CORO7: variants seen among roughly 807,000 people sequenced by gnomAD.
CORO7 encodes coronin 7, also known as coronin-7.
In CORO7, 107 loss-of-function variants were observed where a neutral mutation model predicts 126.6. The observed-to-expected ratio is 0.85, with a 90% confidence interval of 0.72 to 0.99. The LOEUF (loss-of-function observed/expected upper bound fraction) is 0.99. Ranked by LOEUF, CORO7 falls within the 50% of genes least tolerant of loss-of-function variation. The pLI is 0.00. For missense variants in CORO7, 1,314 were observed against 1,255.8 expected, an observed-to-expected ratio of 1.05 and a Z score of -0.70; for synonymous variants, 603 against 536.8, an observed-to-expected ratio of 1.12 and a Z score of -1.70.
chr16:4,414,816 G>A (rs1045881557), intron 1 of CORO7, among the ~76,000 whole-genome samples: 3 of 152,088 alleles, frequency 2.0e-5, no homozygotes, highest in Non-Finnish European at 4.4e-5. Flanking sequence ...CAGAGCCACC[G>A]GCTGTCTTGA....
chr16:4,364,947 G>A (rs374643416), intron 11 of CORO7, 27 bp from the exon 12 acceptor site: 4 of 1,607,566 alleles, frequency 2.5e-6, no homozygotes, highest in South Asian at 2.2e-5. Context: ...AGGGGAACAG[G>A]CAGGATGGGC....
chr16:4,412,850 C>T, intron 2 of CORO7: 1 of 230,286 alleles, frequency 4.3e-6, no homozygotes, highest in Non-Finnish European at 8.5e-6. Context: ...GCCTGAAGCC[C>T]CTGATCTCTT....
intron 26 of CORO7, 33 bp from the exon 27 acceptor site, chr16:4,355,405 G>A (rs1318496683): frequency 6.3e-7 from 1 of 1,593,286 alleles, no homozygotes; most frequent in African/African-American, 1.3e-5. Flanking sequence ...GGTAGGTAAG[G>A]GAATAGGACT....
chr16:4,371,319 C>A (rs931850667), intron 9 of CORO7, among the ~76,000 whole-genome samples: 7 of 152,230 alleles, frequency 4.6e-5, no homozygotes, highest in African/African-American at 1.7e-4. Flanking sequence ...CTTGAAAGGG[C>A]TTTGTGTGGG....
intron 9 of CORO7, among the ~76,000 whole-genome samples, chr16:4,366,821 G>T (rs1285143305): frequency 6.6e-6 from 1 of 152,112 alleles, no homozygotes; most frequent in Non-Finnish European, 1.5e-5. Flanking sequence ...AGGATTATAG[G>T]CATGAGCCAC....
At chr16:4,396,745 G>T (rs1238744524) in intron 6 of CORO7, among the ~76,000 whole-genome samples, 1 of 152,256 alleles carries the variant, frequency 6.6e-6, no homozygotes, top group South Asian at 2.1e-4. Flanking sequence ...GCCAGGCATG[G>T]TGGCTCACGC....
At chr16:4,414,084 A>C (rs1168448830) in intron 1 of CORO7, among the ~76,000 whole-genome samples, 2 of 151,440 alleles carry the variant, frequency 1.3e-5, no homozygotes, top group Non-Finnish European at 2.9e-5. Flanking sequence ...CCAGCTACTC[A>C]GGAGGCTGAG....
At chr16:4,369,914 G>A (rs1002762734) in intron 9 of CORO7, among the ~76,000 whole-genome samples, 1 of 152,150 alleles carries the variant, frequency 6.6e-6, no homozygotes, top group Non-Finnish European at 1.5e-5. Flanking sequence ...AAGGCGGGTG[G>A]CACCTTGAAA....
chr16:4,410,868 C>T (rs1020524372), intron 3 of CORO7, among the ~76,000 whole-genome samples: 1 of 152,202 alleles, frequency 6.6e-6, no homozygotes, highest in Non-Finnish European at 1.5e-5. Flanking sequence ...GGCGTGGCAG[C>T]GTTCCAATAA....
At chr16:4,408,141 G>A in intron 4 of CORO7, 40 bp downstream of exon 4, 3 of 1,613,794 alleles carry the variant, frequency 1.9e-6, no homozygotes, top group Non-Finnish European at 2.5e-6. Flanking sequence ...TGGACTACGG[G>A]CTGGGACATA....
intron 10 of CORO7, 119 bp downstream of exon 10, chr16:4,365,372 C>T (rs2054316230): frequency 1.4e-6 from 2 of 1,430,766 alleles, no homozygotes; most frequent in Non-Finnish European, 1.9e-6. Context: ...GCTACAGTCA[C>T]CTTGGCTGCA....
Position 4,405,545 on chromosome 16 carries a change from C to A in CORO7, c.510G>T (p.Leu170=). 1 of 1,612,968 alleles carries A rather than the reference C, an allele frequency of 6.2e-7. No homozygotes were observed. Among genetic ancestry groups the A allele is most frequent in the Middle Eastern group, 1.7e-4 (1 of 6,058 alleles). Residue 170 remains leucine, a synonymous_variant, in exon 6 of 28, where the codon CTG becomes CTT. Coordinates refer to ENST00000251166, the MANE Select transcript of CORO7 (RefSeq NM_024535.5). ...PLTELAAHGD[L]VQSAVWSRDG... ...CTCGGCTCCAGACGGCGCTCTGCAC[C>A]AGGTCCCCATGGGCTGCCAGCTCTG...
At chr16:4,355,975 CAG>C (rs747393396) in intron 26 of CORO7, among the ~76,000 whole-genome samples, 2 of 151,808 alleles carry the variant, frequency 1.3e-5, no homozygotes, top group East Asian at 1.9e-4. Context: ...TTTTTTGAGA[CAG>C]AGTTTTGTTC....
intron 14 of CORO7, 39 bp downstream of exon 14, chr16:4,364,237 G>C: frequency 1.3e-6 from 2 of 1,499,958 alleles, no homozygotes; most frequent in Non-Finnish European, 1.8e-6. Flanking sequence ...AGCCACTGCA[G>C]TGTCGCTGAG....
At chr16:4,373,214 CAG>C (rs1455584797) in intron 9 of CORO7, among the ~76,000 whole-genome samples, 8 of 152,080 alleles carry the variant, frequency 5.3e-5, no homozygotes, top group Non-Finnish European at 1.0e-4. Flanking sequence ...CTTCTGTAAA[CAG>C]AGTGTCAGAG....
At chr16:4,378,792 AGG>A (rs1172391802) in intron 9 of CORO7, among the ~76,000 whole-genome samples, 2 of 151,634 alleles carry the variant, frequency 1.3e-5, no homozygotes, top group African/African-American at 4.9e-5. Flanking sequence ...TAGGGAGGTG[AGG>A]GGGCACACGA....
At chr16:4,381,601 A>C in intron 9 of CORO7, 4 of 1,599,576 alleles carry the variant, frequency 2.5e-6, no homozygotes, top group Non-Finnish European at 3.4e-6. Context: ...CCGGGGCCTG[A>C]CGCGCCTGCG....
chr16:4,412,227 T>A, intron 3 of CORO7, 129 bp downstream of exon 3: 1 of 963,020 alleles, frequency 1.0e-6, no homozygotes, highest in Non-Finnish European at 1.6e-6. Context: ...TCTCAGAGAG[T>A]GCACAGACAG....
rs1463935654 is a variant in CORO7 at position 4,362,557 on chromosome 16, G to A, written c.1402+55C>T. The A allele has an allele frequency of 1.3e-6, 2 of 1,491,406 alleles. No individual in the cohort carries two copies. The highest frequency in any genetic ancestry group is 1.4e-5 in the African/African-American group (1 of 69,760). The allele number at this position is 1,491,406 out of a possible 1,614,324, so 92.4% of individuals were successfully genotyped here. On this transcript the variant is annotated intron_variant, in intron 15 of 27. Transcript: ENST00000251166. The surrounding 1 kb of genome is among the most constrained non-coding windows in gnomAD (Gnocchi z 5.3). ...AGGGTACACAGGAGGATGACGGGGA[G>A]TGGGGCAGACAGGGCTCCTGCGGTA... is the stretch of plus-strand genomic sequence containing the variant.
Sources: allele counts gnomAD v4.1 joint callset (sites outside exome capture counted in the v4.1 genomes callset), GRCh38; gene constraint gnomAD v4.1.1; non-coding constraint Gnocchi (gnomAD v3.1); transcripts MANE v1.5; gene names NCBI Gene and HGNC (gene_info 2026-07-23, HGNC 2026-07-21).